The following SGCD variants were observed in gnomAD, a reference collection of about 807,000 sequenced individuals.
The protein encoded by SGCD is delta-sarcoglycan.
Under a neutral mutation model 36.6 loss-of-function variants are expected in SGCD, and 18 were observed. That is an observed-to-expected ratio of 0.49 (90% CI 0.34 to 0.73). The LOEUF is 0.73. Ranked by LOEUF, SGCD falls within the 30% of genes least tolerant of loss-of-function variation. SGCD has a pLI of 0.01. For synonymous variants in SGCD, 133 were observed against 130.6 expected, an observed-to-expected ratio of 1.02 and a Z score of -0.12; for missense variants, 387 against 346.7, an observed-to-expected ratio of 1.12 and a Z score of -0.92.
chr5:156,008,083 C>T (rs565556056), intron 1 of SGCD, among the ~76,000 whole-genome samples: 14 of 152,060 alleles, frequency 9.2e-5, no homozygotes, highest in Non-Finnish European at 2.1e-4. Context: ...CAACTTTACC[C>T]GTTGTGCTAG....
At chr5:156,143,485 T>G (rs945607490) in intron 3 of SGCD, among the ~76,000 whole-genome samples, 5 of 152,130 alleles carry the variant, frequency 3.3e-5, no homozygotes, top group African/African-American at 1.2e-4. Flanking sequence ...ACCAGCAGCT[T>G]TCACCGTGTT....
intron 3 of SGCD, among the ~76,000 whole-genome samples, chr5:156,386,105 T>C (rs1426836643): frequency 6.6e-6 from 1 of 152,232 alleles, no homozygotes; most frequent in African/African-American, 2.4e-5. Context: ...GTTTTAGTGA[T>C]AGTATAGTTA....
chr5:156,380,603 C>T (rs889249294), intron 3 of SGCD, among the ~76,000 whole-genome samples: 5 of 152,156 alleles, frequency 3.3e-5, no homozygotes, highest in African/African-American at 1.2e-4. Context: ...ATATTTAGAA[C>T]GTGGCTTGGA....
At chr5:155,799,392 C>CT in the SGCD span, among the ~76,000 whole-genome samples, 5 of 148,206 alleles carry the variant, frequency 3.4e-5, no homozygotes, top group African/African-American at 5.2e-5. Context: ...AGGACAATGA[C>CT]TTTATTTTTT....
At chr5:155,856,674 T>TAA in the SGCD span, among the ~76,000 whole-genome samples, 20 of 152,024 alleles carry the variant, frequency 1.3e-4, no homozygotes, top group African/African-American at 4.6e-4. Flanking sequence ...ACTTGGAATT[T>TAA]AAAAAATGGG....
At chr5:156,467,573 G>A (rs948471844) in intron 3 of SGCD, among the ~76,000 whole-genome samples, 2 of 152,226 alleles carry the variant, frequency 1.3e-5, no homozygotes, top group Non-Finnish European at 1.5e-5. Flanking sequence ...CAGAGATGGA[G>A]CATGATGACA....
intron 3 of SGCD, among the ~76,000 whole-genome samples, chr5:156,306,539 A>G (rs1276869820): frequency 6.6e-6 from 1 of 152,228 alleles, no homozygotes; most frequent in Admixed American, 6.5e-5. Flanking sequence ...GCTGTTTTCT[A>G]TACAAAGTCT....
intron 3 of SGCD, among the ~76,000 whole-genome samples, chr5:156,493,294 A>G (rs190315141): frequency 6.6e-6 from 1 of 152,288 alleles, no homozygotes; most frequent in Admixed American, 6.5e-5. Context: ...ACCATACAAT[A>G]ACTTGTTGTT....
chr5:156,701,855 C>A (rs1000031172), intron 7 of SGCD, among the ~76,000 whole-genome samples: 7 of 152,290 alleles, frequency 4.6e-5, no homozygotes, highest in Non-Finnish European at 8.8e-5. Context: ...ATAGCATCTG[C>A]ATGAATTGAC....
At chr5:156,722,501 G>A (rs1205061516) in intron 7 of SGCD, among the ~76,000 whole-genome samples, 1 of 152,156 alleles carries the variant, frequency 6.6e-6, no homozygotes, top group Admixed American at 6.5e-5. Context: ...TGGGTTTACT[G>A]TGTATCCTGG....
chr5:156,304,643 A>T (rs1355696522), intron 3 of SGCD, among the ~76,000 whole-genome samples: 4 of 152,244 alleles, frequency 2.6e-5, no homozygotes, highest in Admixed American at 2.6e-4. Context: ...ATACCCAAAA[A>T]TGTGGAAAAG....
chr5:156,072,815 C>A (rs13360000), intron 1 of SGCD, among the ~76,000 whole-genome samples: 39,310 of 151,932 alleles, frequency 0.26, 6,422 homozygotes, highest in African/African-American at 0.46. Flanking sequence ...TATTTCTTGG[C>A]GGCTTTGTTT....
intron 3 of SGCD, among the ~76,000 whole-genome samples, chr5:156,303,617 T>A (rs749570749): frequency 4.0e-5 from 6 of 151,688 alleles, no homozygotes; most frequent in Admixed American, 2.0e-4. Flanking sequence ...AGGTCTCACC[T>A]GAGGCCCTTA....
At chr5:155,906,190 T>C (rs1178736232) in intron 1 of SGCD, among the ~76,000 whole-genome samples, 2 of 152,122 alleles carry the variant, frequency 1.3e-5, no homozygotes, top group African/African-American at 4.8e-5. Flanking sequence ...CTGTGTAATA[T>C]AGAGAACTTA....
intron 4 of SGCD, among the ~76,000 whole-genome samples, chr5:156,563,973 C>T (rs1311151412): frequency 2.0e-5 from 3 of 152,242 alleles, no homozygotes; most frequent in African/African-American, 4.8e-5. Context: ...AATCTCTTTC[C>T]TATCTGGAAT....
chr5:156,653,493 C>CTTTTTTTTGTTTTTTTTTTTTTTTT (rs1763546599), intron 7 of SGCD, among the ~76,000 whole-genome samples: 3 of 48,080 alleles, frequency 6.2e-5, no homozygotes, highest in African/African-American at 6.4e-5. Flanking sequence ...CTAAAGCTTG[C>CTTTTTTTTGTTTTTTTTTTTTTTTT]TTTTTTTTTT....
At chr5:155,774,322 T>G in the SGCD span, among the ~76,000 whole-genome samples, 1 of 152,150 alleles carries the variant, frequency 6.6e-6, no homozygotes, top group Admixed American at 6.6e-5. Context: ...GGTACTTTGG[T>G]AACATTCTTT....
chr5:155,866,684 GTTC>G (rs1755530866), upstream of SGCD, among the ~76,000 whole-genome samples: 1 of 152,102 alleles, frequency 6.6e-6, no homozygotes, highest in Non-Finnish European at 1.5e-5. Context: ...TCCTACACTG[GTTC>G]TTCTTCATTC....
Position 156,241,873 on chromosome 5 carries a change from T to C in SGCD, c.-43-87661T>C, listed in dbSNP as rs749265865. Among the ~76,000 whole-genome samples, 121 of 152,218 alleles carry C rather than the reference T, an allele frequency of 7.9e-4. 1 individual carries two copies. The highest frequency in any genetic ancestry group is 5.9e-4 in the Non-Finnish European group (40 of 67,998). On this transcript the variant is annotated intron_variant, in intron 3 of 9. Transcript: ENST00000517913. ...CTTTTTACTATTCTGTCTTAAAATC[T>C]AGTAGGTAGGACAGAGCAAGGGAGC...
Sources: gnomAD v4.1 joint callset for allele counts (sites outside exome capture counted in the v4.1 genomes callset) on GRCh38, gnomAD v4.1.1 for gene constraint, MANE v1.5 for transcripts, NCBI Gene and HGNC (gene_info 2026-07-23, HGNC 2026-07-21) for gene names.